ANTXR2: variants seen among roughly 807,000 people sequenced by gnomAD.
ANTXR2 encodes the protein anthrax toxin receptor 2.
In ANTXR2, 44 loss-of-function variants were observed where a neutral mutation model predicts 73.7. That is an observed-to-expected ratio of 0.60 (90% confidence interval 0.47 to 0.77). ANTXR2 has a LOEUF of 0.77. Among genes scored for constraint, ANTXR2 ranks in the 30% least tolerant of loss-of-function variants. ANTXR2 has a pLI of 0.00. For synonymous variants in ANTXR2, 217 were observed against 205.9 expected (o/e 1.05, Z -0.46); for missense variants, 604 against 592.5 (o/e 1.02, Z -0.20).
chr4:79,943,868 TTCC>T (rs1382698440), intron 16 of ANTXR2, among the ~76,000 whole-genome samples: 2 of 151,936 alleles, frequency 1.3e-5, no homozygotes, highest in African/African-American at 4.8e-5. Context: ...GCCCTATCCA[TTCC>T]TCATTTCTAG....
intron 10 of ANTXR2, among the ~76,000 whole-genome samples, chr4:80,021,019 C>T (rs1053380074): frequency 4.0e-5 from 6 of 151,604 alleles, no homozygotes; most frequent in Non-Finnish European, 8.8e-5. Flanking sequence ...CATGGTGGCA[C>T]GTGCCTGTAA....
chr4:79,978,631 C>T (rs1729748846), intron 14 of ANTXR2, among the ~76,000 whole-genome samples: 1 of 152,148 alleles, frequency 6.6e-6, no homozygotes, highest in African/African-American at 2.4e-5. Flanking sequence ...TGCATTTAAT[C>T]CATACAAAAA....
At chr4:79,973,488 G>A (rs550400292) in intron 16 of ANTXR2, among the ~76,000 whole-genome samples, 2 of 149,998 alleles carry the variant, frequency 1.3e-5, no homozygotes, top group African/African-American at 2.5e-5. Flanking sequence ...TCACTACTGC[G>A]ATCTCAGCTC....
At chr4:80,035,905 A>G (rs1344386760) in intron 8 of ANTXR2, 67 bp downstream of exon 8, 1 of 1,305,478 alleles carries the variant, frequency 7.7e-7, no homozygotes, top group South Asian at 1.4e-5. Flanking sequence ...TGAGTTTCAT[A>G]TCATATATTT....
At chr4:79,977,904 A>G in intron 15 of ANTXR2, 103 bp downstream of exon 15, 1 of 1,379,436 alleles carries the variant, frequency 7.2e-7, no homozygotes, top group Non-Finnish European at 9.8e-7. Context: ...AATATCTGCA[A>G]TTTCATCTAC....
intron 16 of ANTXR2, among the ~76,000 whole-genome samples, chr4:79,966,638 A>G (rs927323066): frequency 6.6e-6 from 1 of 152,236 alleles, no homozygotes; most frequent in Non-Finnish European, 1.5e-5. Flanking sequence ...CTCTTTCTAT[A>G]AAATAGAAAT....
intron 3 of ANTXR2, among the ~76,000 whole-genome samples, chr4:80,064,296 G>A (rs1395405508): frequency 6.6e-6 from 1 of 152,120 alleles, no homozygotes; most frequent in Non-Finnish European, 1.5e-5. Flanking sequence ...ATTTGTAAGA[G>A]TAGGAATAAG....
chr4:79,976,013 C>T (rs969415822), intron 16 of ANTXR2, among the ~76,000 whole-genome samples: 5 of 150,032 alleles, frequency 3.3e-5, no homozygotes, highest in Admixed American at 6.7e-5. Flanking sequence ...CCCAGGTTCA[C>T]GCCATTCTCC....
chr4:80,006,270 A>G (rs1731296684), intron 12 of ANTXR2, among the ~76,000 whole-genome samples: 1 of 151,994 alleles, frequency 6.6e-6, no homozygotes, highest in Non-Finnish European at 1.5e-5. Context: ...ATATCATATT[A>G]TAAGCACTTT....
intron 11 of ANTXR2, among the ~76,000 whole-genome samples, chr4:80,013,113 T>A (rs1731678836): frequency 6.6e-6 from 1 of 152,206 alleles, no homozygotes; most frequent in African/African-American, 2.4e-5. Context: ...ATCTTTCCAT[T>A]ATGTTTTTAA....
chr4:79,932,607 C>T (rs1199283830), intron 16 of ANTXR2, among the ~76,000 whole-genome samples: 1 of 151,676 alleles, frequency 6.6e-6, no homozygotes. Context: ...GCCTCGTCAA[C>T]ATGGTGAAAC....
At chr4:79,983,251 A>G (rs1279700498) in intron 14 of ANTXR2, among the ~76,000 whole-genome samples, 1 of 152,134 alleles carries the variant, frequency 6.6e-6, no homozygotes, top group Admixed American at 6.6e-5. Flanking sequence ...GCTTATTACT[A>G]AATAATATAT....
intron 3 of ANTXR2, 32 bp downstream of exon 3, chr4:80,069,404 A>G (rs781403998): frequency 1.1e-5 from 16 of 1,506,484 alleles, no homozygotes; most frequent in Non-Finnish European, 1.5e-5. Flanking sequence ...CATCTCTACT[A>G]AAAGCCTGCA....
chr4:79,989,524 C>G (rs528145952), intron 12 of ANTXR2, among the ~76,000 whole-genome samples: 1 of 151,906 alleles, frequency 6.6e-6, no homozygotes, highest in African/African-American at 2.4e-5. Context: ...GTAGATGAGA[C>G]AGATTCATGG....
At chr4:79,946,653 G>A (rs1350710756) in intron 16 of ANTXR2, among the ~76,000 whole-genome samples, 1 of 152,030 alleles carries the variant, frequency 6.6e-6, no homozygotes, top group East Asian at 1.9e-4. Flanking sequence ...TCCTGCAGGG[G>A]TATCTGGTAG....
chr4:80,060,522 T>G (rs931252700), intron 3 of ANTXR2, among the ~76,000 whole-genome samples: 12 of 152,340 alleles, frequency 7.9e-5, no homozygotes, highest in African/African-American at 2.9e-4. Context: ...GATGAAGATG[T>G]GCATGAGCTT....
At chr4:80,043,223 A>G (rs7693864) in intron 7 of ANTXR2, among the ~76,000 whole-genome samples, 15,952 of 151,672 alleles carry the variant, frequency 0.11, 1,897 homozygotes, top group East Asian at 0.65. Context: ...TTTAAAAAAC[A>G]TATTGAGTTC....
intron 16 of ANTXR2, among the ~76,000 whole-genome samples, chr4:79,937,651 C>T (rs1271313093): frequency 1.3e-5 from 2 of 152,170 alleles, no homozygotes; most frequent in Non-Finnish European, 2.9e-5. Context: ...AACTTGAATG[C>T]TTATGTATAT....
chr4:80,057,164 A>G (rs1222020989), intron 3 of ANTXR2, among the ~76,000 whole-genome samples: 1 of 151,916 alleles, frequency 6.6e-6, no homozygotes, highest in Non-Finnish European at 1.5e-5. Flanking sequence ...AGAAAATTGT[A>G]AATAACACAT....
Sources: allele counts gnomAD v4.1 joint callset (sites outside exome capture counted in the v4.1 genomes callset), GRCh38; gene constraint gnomAD v4.1.1; transcripts MANE v1.5; gene names NCBI Gene and HGNC (gene_info 2026-07-23, HGNC 2026-07-21).